Variants in PTPRG observed in about 807,000 individuals in gnomAD.
PTPRG encodes the protein receptor-type tyrosine-protein phosphatase gamma.
PTPRG carries 102 observed loss-of-function variants against 165.3 expected under a neutral mutation model. The ratio of observed to expected loss-of-function variants is 0.62; its 90% CI spans 0.53 to 0.73. The LOEUF is 0.73. Among genes scored for constraint, PTPRG ranks in the 30% least tolerant of loss-of-function variants. The probability of loss-of-function intolerance (pLI) is 0.00; values close to 1 mark genes in which losing one functional copy is unlikely to be tolerated. For missense variants in PTPRG, 1,866 were observed against 1,861.4 expected, an observed-to-expected ratio of 1.00 and a Z score of -0.05; for synonymous variants, 675 against 669.5, an observed-to-expected ratio of 1.01 and a Z score of -0.13.
chr3:61,886,172 C>T (rs116037807), intron 2 of PTPRG, among the ~76,000 whole-genome samples: 291 of 152,192 alleles, frequency 1.9e-3, no homozygotes, highest in African/African-American at 6.3e-3. Flanking sequence ...TCGATCCTTC[C>T]TTCCAATTTC....
intron 1 of PTPRG, among the ~76,000 whole-genome samples, chr3:61,640,935 C>T (rs1191764254): frequency 6.6e-6 from 1 of 152,148 alleles, no homozygotes; most frequent in Non-Finnish European, 1.5e-5. Context: ...TGTTGGATTG[C>T]ATGGTGCCCC....
At chr3:62,112,010 G>A (rs981957830) in intron 5 of PTPRG, among the ~76,000 whole-genome samples, 1 of 152,166 alleles carries the variant, frequency 6.6e-6, no homozygotes, top group Non-Finnish European at 1.5e-5. Context: ...ATGCATGTGA[G>A]TTATAGGAAT....
intron 2 of PTPRG, 26 bp downstream of exon 2, chr3:61,749,008 T>C (rs778257375): frequency 6.4e-7 from 1 of 1,564,532 alleles, no homozygotes; most frequent in East Asian, 2.2e-5. Context: ...CTAATGGAGA[T>C]CACACAGGCC....
At chr3:61,619,822 GC>G (rs1225786364) in intron 1 of PTPRG, among the ~76,000 whole-genome samples, 1 of 152,170 alleles carries the variant, frequency 6.6e-6, no homozygotes, top group Non-Finnish European at 1.5e-5. Context: ...TTGTTTATGG[GC>G]TTTGGGGAAA....
intron 1 of PTPRG, among the ~76,000 whole-genome samples, chr3:61,632,522 G>C (rs1701797225): frequency 6.6e-6 from 1 of 152,294 alleles, no homozygotes; most frequent in Non-Finnish European, 1.5e-5. Flanking sequence ...TATATGTTCA[G>C]CAGCCATTTT....
chr3:62,206,298 C>T (rs760625855), intron 12 of PTPRG, among the ~76,000 whole-genome samples: 3 of 151,686 alleles, frequency 2.0e-5, no homozygotes. Context: ...GTGTGTAGGT[C>T]CTCGGCTTCC....
chr3:62,003,559 T>C (rs1392604728), intron 4 of PTPRG, 62 bp downstream of exon 4: 1 of 1,587,650 alleles, frequency 6.3e-7, no homozygotes, highest in African/African-American at 1.3e-5. Flanking sequence ...AATCAGATGC[T>C]GTGCCCTTAC....
intron 4 of PTPRG, among the ~76,000 whole-genome samples, chr3:62,036,725 A>G (rs930856653): frequency 6.6e-6 from 1 of 152,224 alleles, no homozygotes. Context: ...AAAAGGAAGC[A>G]GTGTAAATAA....
rs570869907 is a variant in PTPRG at position 62,205,911 on chromosome 3, G to A, written c.2155+1961G>A. Among the ~76,000 whole-genome samples, 11 of 152,312 alleles carry A rather than the reference G, an allele frequency of 7.2e-5. 1 individual carries two copies. The highest frequency in any genetic ancestry group is 2.6e-4 in the African/African-American group (11 of 41,574). ...GCGTGGAGATGATATAGGAAGGCAG[G>A]AATGGATGAAAGAAGCCCAGTTAGG... On this transcript the variant is annotated intron_variant, in intron 12 of 29. Coordinates refer to ENST00000474889, the MANE Select transcript of PTPRG (RefSeq NM_002841.4).
At chr3:62,189,933 C>G (rs185689316) in intron 8 of PTPRG, among the ~76,000 whole-genome samples, 1 of 152,122 alleles carries the variant, frequency 6.6e-6, no homozygotes. Flanking sequence ...ACCTTCCCAC[C>G]GGATCCCTTT....
chr3:62,282,948 C>T, intron 28 of PTPRG, 79 bp downstream of exon 28: 1 of 1,392,362 alleles, frequency 7.2e-7, no homozygotes, highest in South Asian at 1.3e-5. Flanking sequence ...GAAAAGGAAG[C>T]CAGAATTTTA....
In PTPRG at chr3:62,122,360, G is replaced by C. The variant is rs1477914111; in HGVS notation, c.616-10242G>C. 3.3e-5 allele frequency among the ~76,000 whole-genome samples: 5 copies of C among 152,192 alleles called. No homozygotes were observed. The East Asian group carries it at 9.6e-4, about 29-fold the overall frequency. On this transcript the variant is annotated intron_variant, in intron 5 of 29. Transcript: ENST00000474889. Reference sequence around the variant, plus strand: ...TTCCATGAGCCCATGGTTTGGAATAGGGAATGGCCTGTGAGGTATTGCTTA... The same window carrying C: ...TTCCATGAGCCCATGGTTTGGAATACGGAATGGCCTGTGAGGTATTGCTTA...
intron 24 of PTPRG, chr3:62,276,370 A>G (rs1268067733): frequency 1.3e-5 from 2 of 156,816 alleles, no homozygotes; most frequent in East Asian, 3.8e-4. Flanking sequence ...ACATTCCTCT[A>G]AAACTTAGAA....
chr3:61,817,046 ATAT>A (rs201528864), intron 2 of PTPRG, among the ~76,000 whole-genome samples: 1,663 of 132,248 alleles, frequency 0.013, 35 homozygotes, highest in African/African-American at 0.041. Context: ...ATAATATATA[ATAT>A]TATATATAAT....
chr3:61,904,843 A>G (rs952646300), intron 2 of PTPRG, among the ~76,000 whole-genome samples: 1 of 151,984 alleles, frequency 6.6e-6, no homozygotes, highest in African/African-American at 2.4e-5. Flanking sequence ...CTGGGTTTTC[A>G]TCCTAGTAAA....
chr3:62,131,570 C>T (rs1703515836), intron 5 of PTPRG, among the ~76,000 whole-genome samples: 1 of 152,206 alleles, frequency 6.6e-6, no homozygotes, highest in Non-Finnish European at 1.5e-5. Context: ...AATATCTCAA[C>T]TTCATTATGT....
At chr3:61,624,004 A>G (rs9823399) in intron 1 of PTPRG, among the ~76,000 whole-genome samples, 1 of 152,172 alleles carries the variant, frequency 6.6e-6, no homozygotes, top group Non-Finnish European at 1.5e-5. Context: ...TCAGGTGCTC[A>G]GTTTACCTGA....
chr3:62,067,157 C>G (rs1164375893), intron 4 of PTPRG, among the ~76,000 whole-genome samples: 2 of 151,736 alleles, frequency 1.3e-5, no homozygotes, highest in Admixed American at 6.6e-5. Context: ...AAACAAAGGG[C>G]TTTACCATGC....
intron 12 of PTPRG, among the ~76,000 whole-genome samples, chr3:62,209,206 G>A (rs1700301215): frequency 6.6e-6 from 1 of 152,228 alleles, no homozygotes; most frequent in East Asian, 1.9e-4. Flanking sequence ...AGCATCTGGA[G>A]ACATTTTTAG....
Sources: gnomAD v4.1 joint callset for allele counts (sites outside exome capture counted in the v4.1 genomes callset) on GRCh38, gnomAD v4.1.1 for gene constraint, MANE v1.5 for transcripts, NCBI Gene and HGNC (gene_info 2026-07-23, HGNC 2026-07-21) for gene names.